Variants in WIPF2 observed in about 807,000 individuals in gnomAD.
WIPF2 encodes WAS/WASL interacting protein family member 2.
A neutral mutation model predicts 38.8 loss-of-function variants in WIPF2; 23 were observed. The observed-to-expected ratio is 0.59, with a 90% CI of 0.43 to 0.84. The LOEUF is 0.84. Among genes scored for constraint, WIPF2 ranks in the 40% least tolerant of loss-of-function variants. The pLI, the probability that WIPF2 is intolerant of heterozygous loss-of-function variation, is 0.00. For synonymous variants in WIPF2, 210 were observed against 223.2 expected (o/e 0.94, Z 0.53); for missense variants, 574 against 580.5 (o/e 0.99, Z 0.11).
At chr17:40,273,746 C>G (rs1256744278) in intron 5 of WIPF2, 44 bp from the exon 6 acceptor site, 2 of 1,242,108 alleles carry the variant, frequency 1.6e-6, no homozygotes, top group Non-Finnish European at 2.4e-6. Context: ...CTACCCCTTG[C>G]CGTCTCCACA....
chr17:40,258,949 A>T (rs1229665458), intron 2 of WIPF2, among the ~76,000 whole-genome samples: 2 of 148,544 alleles, frequency 1.3e-5, no homozygotes, highest in African/African-American at 2.5e-5. Context: ...TATAGCTAAT[A>T]TAAAAAAAAA....
rs202037769 is a variant in WIPF2 at position 40,265,058 on chromosome 17, A to G, written c.882A>G (p.Leu294=). 6.2e-7 allele frequency: 1 copy of G among 1,613,942 alleles called. No individual in the cohort carries two copies. The highest frequency in any genetic ancestry group is 1.7e-5 in the Admixed American group (1 of 60,010). Reference sequence around the variant, plus strand: ...AGACACCAGGGCCTGTCAGAGGCCTAGCACCTCCTCCACCCACCTCGGCCT... The same window carrying G: ...AGACACCAGGGCCTGTCAGAGGCCTGGCACCTCCTCCACCCACCTCGGCCT... ...HRKTPGPVRG[L]APPPPTSASP... The change falls in exon 5 of 8, where the codon CTA becomes CTG. Residue 294 remains leucine (L), a synonymous_variant. Coordinates refer to ENST00000323571, the MANE Select transcript of WIPF2 (RefSeq NM_133264.5).
intron 1 of WIPF2, among the ~76,000 whole-genome samples, chr17:40,222,212 C>G (rs1234672951): frequency 2.0e-5 from 3 of 149,298 alleles, no homozygotes; most frequent in African/African-American, 7.4e-5. Flanking sequence ...TGCTGCCACG[C>G]CCAGCTAATT....
At chr17:40,247,207 GTTTTTTTT>G (rs775838379) in intron 1 of WIPF2, among the ~76,000 whole-genome samples, 383 of 116,944 alleles carry the variant, frequency 3.3e-3, no homozygotes, top group Admixed American at 5.9e-3. Context: ...TTATTTCAGG[GTTTTTTTT>G]TTTTTTTTTT....
At chr17:40,239,093 A>G (rs991862756) in intron 1 of WIPF2, among the ~76,000 whole-genome samples, 20 of 114,674 alleles carry the variant, frequency 1.7e-4, no homozygotes, top group Non-Finnish European at 2.5e-4. Context: ...TTTATTTGAG[A>G]CGGAGTCTCG....
chr17:40,231,215 A>G (rs774700562), intron 1 of WIPF2, among the ~76,000 whole-genome samples: 2 of 152,168 alleles, frequency 1.3e-5, no homozygotes, highest in Non-Finnish European at 2.9e-5. Flanking sequence ...CTCCTTGACA[A>G]TGAAAGTCAC....
rs938720586 is a variant in WIPF2 at position 40,219,371 on chromosome 17, C to T, written c.-191C>T. Reference sequence around the variant, plus strand: ...TCCGGGTTGGCAAAAGGGGCGGTGGCGGCGGCGGCGGCGGCGGCGGCGGCG... The same window carrying T: ...TCCGGGTTGGCAAAAGGGGCGGTGGTGGCGGCGGCGGCGGCGGCGGCGGCG... On this transcript the variant is annotated 5_prime_UTR_variant, in exon 1 of 8. Coordinates refer to ENST00000323571, the MANE Select transcript of WIPF2 (RefSeq NM_133264.5). The T allele has an allele frequency of 4.5e-5, 15 of 331,934 alleles. No individual in the cohort carries two copies. The highest frequency in any genetic ancestry group is 1.1e-4 in the African/African-American group (4 of 36,962). 20.6% of individuals were successfully genotyped at this position (331,934 alleles called of 1,614,324 possible).
intron 1 of WIPF2, among the ~76,000 whole-genome samples, chr17:40,246,310 T>C (rs566335304): frequency 6.6e-6 from 1 of 151,986 alleles, no homozygotes; most frequent in East Asian, 1.9e-4. Context: ...GGTCTCGAAC[T>C]CCAGACCTTA....
chr17:40,264,564 G>T lies in WIPF2; in HGVS notation c.388G>T (p.Ala130Ser). 1 of 1,614,038 alleles carries T rather than the reference G, an allele frequency of 6.2e-7. No individual in the cohort carries two copies. The change falls in exon 5 of 8, where the codon GCC becomes TCC. Residue 130 changes from alanine (A) to serine (S), a missense_variant. Physicochemically the swap from Ala to Ser is moderately conservative, Grantham distance 99. Coordinates refer to ENST00000323571, the MANE Select transcript of WIPF2 (RefSeq NM_133264.5). Reference protein sequence around the residue: ...AAAPRPPVSAASGRPQDDTDS... With the variant: ...AAAPRPPVSASSGRPQDDTDS... ...TGCCCCAAGGCCTCCAGTATCTGCC[G>T]CCAGCGGGCGTCCTCAGGATGATAC...
chr17:40,259,313 A>G (rs956103813), intron 2 of WIPF2, among the ~76,000 whole-genome samples: 5 of 151,438 alleles, frequency 3.3e-5, no homozygotes, highest in Non-Finnish European at 7.4e-5. Flanking sequence ...TTCTTGAAAT[A>G]TTTCCCAGCT....
At position 40,223,880 on chromosome 17, in the gene WIPF2, C is replaced by T. The variant is rs550519071; in HGVS notation, c.-70+4388C>T. Among the ~76,000 whole-genome samples the T allele has an allele frequency of 9.9e-4, 150 of 152,028 alleles. 1 individual carries two copies. Among genetic ancestry groups the T allele is most frequent in the African/African-American group, 3.5e-3 (143 of 41,394 alleles). ...GATTACAGGCGTGAGCCACCGCGCC[C>T]GGCCCGAGAAAATTATTAAATGTTC... is the stretch of plus-strand genomic sequence containing the variant. On this transcript the variant is annotated intron_variant, in intron 1 of 7. Coordinates refer to ENST00000323571, the MANE Select transcript of WIPF2 (RefSeq NM_133264.5).
intron 1 of WIPF2, among the ~76,000 whole-genome samples, chr17:40,241,190 A>G (rs2031178317): frequency 6.6e-6 from 1 of 152,158 alleles, no homozygotes; most frequent in Non-Finnish European, 1.5e-5. Flanking sequence ...TATACAGATT[A>G]CCAGATCATT....
At chr17:40,234,747 C>T (rs2030890347) in intron 1 of WIPF2, among the ~76,000 whole-genome samples, 1 of 152,132 alleles carries the variant, frequency 6.6e-6, no homozygotes. Context: ...CAAGAAATGG[C>T]TTCTGTTAAT....
intron 1 of WIPF2, among the ~76,000 whole-genome samples, chr17:40,224,091 T>TG (rs1295705322): frequency 2.0e-5 from 3 of 151,946 alleles, no homozygotes. Context: ...AGTAAAAACC[T>TG]GCTTAATATT....
chr17:40,276,653 C>G (rs2032409678), intron 6 of WIPF2, among the ~76,000 whole-genome samples: 1 of 152,068 alleles, frequency 6.6e-6, no homozygotes, highest in African/African-American at 2.4e-5. Flanking sequence ...GTGGTTCACA[C>G]CTGTAATCCC....
chr17:40,244,055 T>C (rs1271637311), intron 1 of WIPF2, among the ~76,000 whole-genome samples: 1 of 152,164 alleles, frequency 6.6e-6, no homozygotes, highest in East Asian at 1.9e-4. Flanking sequence ...ACTTTCTCCA[T>C]TGAGAGGAGA....
At chr17:40,255,312 G>A (rs1441060403) in intron 1 of WIPF2, among the ~76,000 whole-genome samples, 3 of 151,822 alleles carry the variant, frequency 2.0e-5, no homozygotes, top group Non-Finnish European at 4.4e-5. Flanking sequence ...AATACAGGGA[G>A]CACCCATCTT....
chr17:40,250,222 T>TTTTTTTTG (rs2031511089), intron 1 of WIPF2, among the ~76,000 whole-genome samples: 1 of 103,804 alleles, frequency 9.6e-6, no homozygotes, highest in African/African-American at 3.8e-5. Flanking sequence ...TTATCATGTT[T>TTTTTTTTG]TTTTTTTTTT....
intron 5 of WIPF2, among the ~76,000 whole-genome samples, chr17:40,267,940 C>T (rs538777595): frequency 3.4e-4 from 51 of 152,088 alleles, no homozygotes; most frequent in East Asian, 5.8e-4. Flanking sequence ...CCCAGGAGTT[C>T]GAGACCAGCC....
Sources: gnomAD v4.1 joint callset for allele counts (sites outside exome capture counted in the v4.1 genomes callset) on GRCh38, gnomAD v4.1.1 for gene constraint, MANE v1.5 for transcripts, NCBI Gene and HGNC (gene_info 2026-07-23, HGNC 2026-07-21) for gene names.